Variants in CELF2 observed in about 807,000 individuals in gnomAD.
CELF2 encodes CUG triplet repeat RNA-binding protein 2.
In CELF2, 8 loss-of-function variants were observed where a neutral mutation model predicts 62.6. The ratio of observed to expected loss-of-function variants is 0.13; its 90% CI spans 0.07 to 0.23. The LOEUF is 0.23. CELF2 is among the 10% of genes least tolerant of loss of function. CELF2 has a pLI of 1.00. For missense variants in CELF2, 333 were observed against 671.0 expected (o/e 0.50, Z 5.56); for synonymous variants, 258 against 250.0 (o/e 1.03, Z -0.30).
the CELF2 span, among the ~76,000 whole-genome samples, chr10:10,649,027 T>C: frequency 6.6e-6 from 1 of 152,186 alleles, no homozygotes; most frequent in African/African-American, 2.4e-5. Flanking sequence ...AGGCTGAAGA[T>C]TTCAGTCCTG....
intron 3 of CELF2, among the ~76,000 whole-genome samples, chr10:11,248,275 G>A (rs907693501): frequency 2.6e-5 from 4 of 152,134 alleles, no homozygotes; most frequent in African/African-American, 7.2e-5. Context: ...CATGCTCTGC[G>A]GACCAGGCAC....
the CELF2 span, among the ~76,000 whole-genome samples, chr10:10,732,558 C>T: frequency 7.3e-6 from 1 of 137,134 alleles, no homozygotes; most frequent in Non-Finnish European, 1.5e-5. Flanking sequence ...AAGTCTCACT[C>T]TGTTGCCCAG....
rs901285681 is a variant in CELF2, at chr10:11,255,383, C to T, written c.404-2355C>T. On this transcript the variant is annotated intron_variant, in intron 4 of 12. Coordinates refer to ENST00000633077, the MANE Select transcript of CELF2 (RefSeq NM_001326342.2). The surrounding 1 kb of genome is among the most constrained non-coding windows in gnomAD (Gnocchi z 5.5). ...GAAGCGGAAGATGGGGCGTGCCATC[C>T]TGAGGTCGGGCTGCTTTCCGCCATC... 6.6e-6 allele frequency among the ~76,000 whole-genome samples: 1 copy of T among 152,170 alleles called. No individual in the cohort carries two copies. The highest frequency in any genetic ancestry group is 1.5e-5 in the Non-Finnish European group (1 of 68,034).
chr10:10,677,391 A>G, the CELF2 span, among the ~76,000 whole-genome samples: 1 of 152,216 alleles, frequency 6.6e-6, no homozygotes, highest in Admixed American at 6.5e-5. Context: ...GAAAGGTAGA[A>G]GCAGTTCTGA....
chr10:10,709,376 T>A, the CELF2 span, among the ~76,000 whole-genome samples: 1 of 152,196 alleles, frequency 6.6e-6, no homozygotes, highest in African/African-American at 2.4e-5. Flanking sequence ...CTTCTTAGCA[T>A]TCTTGTATTT....
chr10:10,893,273 G>A (rs1300219628), intron 1 of CELF2, among the ~76,000 whole-genome samples: 1 of 152,230 alleles, frequency 6.6e-6, no homozygotes, highest in Non-Finnish European at 1.5e-5. Context: ...CAGCTTGACT[G>A]TAATTACACA....
At chr10:11,042,177 C>G (rs190115693) in intron 1 of CELF2, among the ~76,000 whole-genome samples, 247 of 152,304 alleles carry the variant, frequency 1.6e-3, no homozygotes, top group African/African-American at 5.5e-3. Flanking sequence ...AAGAAACTTA[C>G]ATTTATCTCC....
Position 10,853,602 on chromosome 10 carries a change from G to C in CELF2, c.53+54785G>C, listed in dbSNP as rs1432202231. 4.0e-5 allele frequency among the ~76,000 whole-genome samples: 6 copies of C among 151,756 alleles called. No homozygotes were observed. In the East Asian group the frequency reaches 1.2e-3, roughly 29 times the overall value. ...GAATAATACACACCAAGCATTTTTT[G>C]GTGTTAATGTCACTTGCTCATGAGT... On this transcript the variant is annotated intron_variant, in intron 1 of 13. Transcript: ENST00000636488.
chr10:10,640,363 C>G, the CELF2 span, among the ~76,000 whole-genome samples: 2 of 152,130 alleles, frequency 1.3e-5, no homozygotes, highest in Non-Finnish European at 2.9e-5. Context: ...GGGATCCTTC[C>G]CCCAAGCACT....
At position 11,321,519 on chromosome 10, in the gene CELF2, TAA is replaced by T. The variant is rs34817797; in HGVS notation, c.1294+146_1294+147del. ...AAGCAGTTGTTTTGTTATTCATGTT[TAA>T]AAAAAAAAAAAACTGAAAGCTGGGC... On this transcript the variant is annotated intron_variant, in intron 11 of 12. Transcript: ENST00000633077. This position sits in a 1 kb window ranked among gnomAD's most constrained non-coding sequence, Gnocchi z 6.2. 5,003 of 567,350 alleles carry T rather than the reference TAA, an allele frequency of 8.8e-3. No homozygotes were observed. Among genetic ancestry groups the T allele is most frequent in the Non-Finnish European group, 0.011 (3,725 of 334,372 alleles). 35.1% of individuals were successfully genotyped at this position (567,350 alleles called of 1,614,324 possible). A position where few individuals can be genotyped will look rare whatever the true frequency, so the allele number is the denominator to read the frequency against.
chr10:10,510,741 C>G, the CELF2 span, among the ~76,000 whole-genome samples: 2 of 152,140 alleles, frequency 1.3e-5, no homozygotes, highest in Non-Finnish European at 2.9e-5. Context: ...GAAAATAACT[C>G]AGGGAAGAAG....
chr10:11,165,208 G>T lies in CELF2; in HGVS notation c.75-278G>T. ...TTGCAGCTGCCTCCCGAGCCTCCAA[G>T]ATGTCCACGCCCTGGGTGACAGGCG... is the stretch of plus-strand genomic sequence containing the variant. On this transcript the variant is annotated intron_variant, in intron 1 of 12. Coordinates refer to ENST00000633077, the MANE Select transcript of CELF2 (RefSeq NM_001326342.2). This position sits in a 1 kb window ranked among gnomAD's most constrained non-coding sequence, Gnocchi z 7.4. 3.1e-6 allele frequency: 4 copies of T among 1,284,986 alleles called. No individual in the cohort carries two copies. The highest frequency in any genetic ancestry group is 4.0e-6 in the Non-Finnish European group (4 of 1,011,014). The allele number at this position is 1,284,986 out of a possible 1,614,324, so 79.6% of individuals were successfully genotyped here.
chr10:10,621,161 G>C, the CELF2 span, among the ~76,000 whole-genome samples: 1 of 149,326 alleles, frequency 6.7e-6, no homozygotes, highest in Non-Finnish European at 1.5e-5. Flanking sequence ...GGAGAATGGC[G>C]TGAACCCAGG....
chr10:10,544,238 G>A, the CELF2 span, among the ~76,000 whole-genome samples: 1 of 152,206 alleles, frequency 6.6e-6, no homozygotes, highest in Non-Finnish European at 1.5e-5. Context: ...GGCCATCCAG[G>A]TGGAAGGCAT....
At position 11,280,989 on chromosome 10, in the gene CELF2, CGTGTGTGT is replaced by C. The variant is rs60798946; in HGVS notation, c.841+5894_841+5901del. 6.2e-5 allele frequency among the ~76,000 whole-genome samples: 9 copies of C among 144,398 alleles called. No individual in the cohort carries two copies. Among genetic ancestry groups the C allele is most frequent in the East Asian group, 2.1e-4 (1 of 4,864 alleles). 94.7% of individuals were successfully genotyped at this position (144,398 alleles called of 152,430 possible). ...TGGCGTGCGTGTGCATGCCTGTGTG[CGTGTGTGT>C]GTGTGTGTGTGTGTGTGTGTGTGTT... is the stretch of plus-strand genomic sequence containing the variant. On this transcript the variant is annotated intron_variant, in intron 8 of 12. Transcript: ENST00000633077. This position sits in a 1 kb window ranked among gnomAD's most constrained non-coding sequence, Gnocchi z 7.6.
chr10:10,789,911 A>T, the CELF2 span, among the ~76,000 whole-genome samples: 1 of 152,084 alleles, frequency 6.6e-6, no homozygotes, highest in African/African-American at 2.4e-5. Flanking sequence ...TATGAACTCA[A>T]ACATGAACTT....
chr10:11,000,384 G>A (rs1308812623), upstream of CELF2, among the ~76,000 whole-genome samples: 1 of 151,970 alleles, frequency 6.6e-6, no homozygotes, highest in Non-Finnish European at 1.5e-5. Context: ...TTTTCAAGTG[G>A]CTTCTTGGAG....
At chr10:11,203,123 AT>A (rs1291654363) in intron 2 of CELF2, among the ~76,000 whole-genome samples, 1 of 152,102 alleles carries the variant, frequency 6.6e-6, no homozygotes, top group Non-Finnish European at 1.5e-5. Context: ...ATTGGCAATG[AT>A]TGAGAAAAAT....
At chr10:11,058,306 A>G (rs529487691) in intron 1 of CELF2, among the ~76,000 whole-genome samples, 37 of 152,266 alleles carry the variant, frequency 2.4e-4, no homozygotes, top group Admixed American at 1.2e-3. Context: ...TTCTAATGGA[A>G]AAGGCTGATT....
Sources: gnomAD v4.1 joint callset for allele counts (sites outside exome capture counted in the v4.1 genomes callset) on GRCh38, gnomAD v4.1.1 for gene constraint, Gnocchi (gnomAD v3.1) non-coding constraint, MANE v1.5 for transcripts, NCBI Gene and HGNC (gene_info 2026-07-23, HGNC 2026-07-21) for gene names.